The following NAALADL2 variants were observed in gnomAD, a reference collection of about 807,000 sequenced individuals.
NAALADL2 encodes N-acetylated alpha-linked acidic dipeptidase like 2, also known as inactive N-acetylated-alpha-linked acidic dipeptidase-like protein 2.
NAALADL2 carries 76 observed loss-of-function variants against 87.2 expected under a neutral mutation model. That is an observed-to-expected ratio of 0.87 (90% CI 0.72 to 1.05). The LOEUF (loss-of-function observed/expected upper bound fraction) is 1.05. Among genes scored for constraint, NAALADL2 ranks in the 50% least tolerant of loss-of-function variants. The probability of loss-of-function intolerance (pLI) is 0.00; values close to 1 mark genes in which losing one functional copy is unlikely to be tolerated. For synonymous variants in NAALADL2, 354 were observed against 331.0 expected, an observed-to-expected ratio of 1.07 and a Z score of -0.75; for missense variants, 1,089 against 945.8, an observed-to-expected ratio of 1.15 and a Z score of -1.99.
At chr3:175,064,335 C>T (rs1054397245) in intron 1 of NAALADL2, among the ~76,000 whole-genome samples, 1 of 151,368 alleles carries the variant, frequency 6.6e-6, no homozygotes, top group Admixed American at 6.6e-5. Context: ...TGATGATGCT[C>T]ACTTCTCTAA....
intron 1 of NAALADL2, among the ~76,000 whole-genome samples, chr3:174,490,368 A>G: frequency 6.6e-6 from 1 of 152,158 alleles, no homozygotes; most frequent in Non-Finnish European, 1.5e-5. Context: ...ACAGAGACAG[A>G]AAGTAGATTA....
intron 3 of NAALADL2, among the ~76,000 whole-genome samples, chr3:174,852,781 G>A (rs1206051861): frequency 6.6e-6 from 1 of 152,024 alleles, no homozygotes; most frequent in Middle Eastern, 3.2e-3. Context: ...AAAGAACAAA[G>A]CTGGAGTCAT....
Position 174,693,556 on chromosome 3 carries a change from G to A in NAALADL2, c.-114-44085G>A, listed in dbSNP as rs550574072. ...ATATGCCTAAACAATTCAATTCAGA[G>A]TATGTTGAAAAGGCTTTTGTAACAT... is the stretch of plus-strand genomic sequence containing the variant. On this transcript the variant is annotated intron_variant, in intron 2 of 3. Coordinates refer to the NAALADL2 transcript ENST00000434257. Among the ~76,000 whole-genome samples, 6 of 152,188 alleles carry A rather than the reference G, an allele frequency of 3.9e-5. No homozygotes were observed. In the South Asian group the frequency reaches 1.2e-3, roughly 32 times the overall value.
At chr3:175,024,990 A>G (rs1243086086) in intron 1 of NAALADL2, among the ~76,000 whole-genome samples, 2 of 152,142 alleles carry the variant, frequency 1.3e-5, no homozygotes, top group African/African-American at 4.8e-5. Context: ...AGGATGTCTA[A>G]AAGTATCTGT....
intron 1 of NAALADL2, among the ~76,000 whole-genome samples, chr3:174,978,826 G>T (rs1174001841): frequency 1.3e-5 from 2 of 152,146 alleles, no homozygotes; most frequent in South Asian, 2.1e-4. Context: ...AAGAGCCCAA[G>T]AAATGATATA....
intron 3 of NAALADL2, among the ~76,000 whole-genome samples, chr3:175,248,937 A>AT: frequency 6.6e-6 from 1 of 152,046 alleles, no homozygotes; most frequent in Non-Finnish European, 1.5e-5. Context: ...GTGTAGAGCC[A>AT]TTGTATCAAA....
At chr3:174,666,472 T>C (rs1021488352) in intron 2 of NAALADL2, among the ~76,000 whole-genome samples, 2 of 152,158 alleles carry the variant, frequency 1.3e-5, no homozygotes, top group Admixed American at 1.3e-4. Flanking sequence ...AATTTTTATA[T>C]AGATGACTTT....
chr3:175,251,831 A>G (rs1054278920), intron 3 of NAALADL2, among the ~76,000 whole-genome samples: 1 of 152,188 alleles, frequency 6.6e-6, no homozygotes, highest in Admixed American at 6.5e-5. Context: ...ATACATTTTT[A>G]TTATTGCCTG....
intron 1 of NAALADL2, among the ~76,000 whole-genome samples, chr3:174,989,387 A>G (rs573430315): frequency 5.3e-5 from 8 of 152,366 alleles, no homozygotes; most frequent in Admixed American, 2.6e-4. Flanking sequence ...AATGGTAGAA[A>G]GAAACTTACA....
chr3:175,478,208 C>T (rs1237555193), intron 9 of NAALADL2, among the ~76,000 whole-genome samples: 4 of 151,848 alleles, frequency 2.6e-5, no homozygotes, highest in Non-Finnish European at 5.9e-5. Context: ...TGGGGGTACT[C>T]CTTAATTTAT....
chr3:174,884,646 G>T (rs1729836949), intron 1 of NAALADL2, among the ~76,000 whole-genome samples: 1 of 152,152 alleles, frequency 6.6e-6, no homozygotes, highest in Admixed American at 6.5e-5. Context: ...AACGTTAAAT[G>T]CAGAGTCCCT....
chr3:175,421,118 G>C (rs911649319), intron 5 of NAALADL2, among the ~76,000 whole-genome samples: 3 of 151,940 alleles, frequency 2.0e-5, no homozygotes, highest in African/African-American at 4.8e-5. Flanking sequence ...TATCAAGAAT[G>C]ATTTCTTAAA....
chr3:174,737,964 A>C, intron 3 of NAALADL2, among the ~76,000 whole-genome samples: 1 of 152,170 alleles, frequency 6.6e-6, no homozygotes, highest in East Asian at 1.9e-4. Context: ...GCATTATATA[A>C]ATATTTTAAT....
rs1305519968 is a variant in NAALADL2, at chr3:175,077,634, G to C, written c.44-19156G>C. 2.6e-5 allele frequency among the ~76,000 whole-genome samples: 4 copies of C among 152,042 alleles called. No homozygotes were observed. In the East Asian group the frequency reaches 7.7e-4, roughly 29 times the overall value. On this transcript the variant is annotated intron_variant, in intron 1 of 13. Coordinates refer to ENST00000454872, the MANE Select transcript of NAALADL2 (RefSeq NM_207015.3). The stretch of plus-strand genomic sequence containing the variant: ...TAGCATTATTAAACAGAAGTATAAA[G>C]GCAATGCTATTTATATAGTAATATC...
chr3:175,719,492 A>G (rs1348574853), intron 11 of NAALADL2, among the ~76,000 whole-genome samples: 1 of 152,224 alleles, frequency 6.6e-6, no homozygotes, highest in Non-Finnish European at 1.5e-5. Flanking sequence ...TTAGAAACAT[A>G]AAGTAAAACT....
At position 175,435,404 on chromosome 3, in the gene NAALADL2, G is replaced by A. The variant is rs368368397; in HGVS notation, c.1091-11825G>A. Among the ~76,000 whole-genome samples, 3 of 151,894 alleles carry A rather than the reference G, an allele frequency of 2.0e-5. No homozygotes were observed. The East Asian group carries it at 5.8e-4, about 29-fold the overall frequency. On this transcript the variant is annotated intron_variant, in intron 5 of 13. Transcript: ENST00000454872. ...GTAAATATAATCAATTCAATTATAG[G>A]ACAGACTAGATTTCAACTAACATAT...
At chr3:175,495,118 T>C (rs1728640857) in intron 9 of NAALADL2, among the ~76,000 whole-genome samples, 2 of 147,480 alleles carry the variant, frequency 1.4e-5, no homozygotes, top group Non-Finnish European at 1.5e-5. Flanking sequence ...AGATTATTTC[T>C]AGATCATGCT....
chr3:175,181,443 T>G (rs1230623668), intron 2 of NAALADL2, among the ~76,000 whole-genome samples: 5 of 151,780 alleles, frequency 3.3e-5, no homozygotes, highest in African/African-American at 7.3e-5. Flanking sequence ...ACTGAAACTT[T>G]GCACCCTTTG....
At chr3:175,293,853 C>T (rs1261390263) in intron 4 of NAALADL2, among the ~76,000 whole-genome samples, 4 of 152,002 alleles carry the variant, frequency 2.6e-5, no homozygotes, top group East Asian at 1.9e-4. Flanking sequence ...TTTTTATATA[C>T]CATAAGAAAC....
Sources: gnomAD v4.1 joint callset for allele counts (sites outside exome capture counted in the v4.1 genomes callset) on GRCh38, gnomAD v4.1.1 for gene constraint, MANE v1.5 for transcripts, NCBI Gene and HGNC (gene_info 2026-07-23, HGNC 2026-07-21) for gene names.